DOCK1: variants seen among roughly 807,000 people sequenced by gnomAD.
DOCK1 encodes the protein dedicator of cytokinesis protein 1.
In DOCK1, 138 loss-of-function variants were observed where a neutral mutation model predicts 262.7. The ratio of observed to expected loss-of-function variants is 0.53; its 90% CI spans 0.46 to 0.61. The LOEUF (loss-of-function observed/expected upper bound fraction) is 0.61. Ranked by LOEUF, DOCK1 falls within the 20% of genes least tolerant of loss-of-function variation. The pLI, the probability that DOCK1 is intolerant of heterozygous loss-of-function variation, is 0.00. For synonymous variants in DOCK1, 866 were observed against 867.4 expected (o/e 1.00, Z 0.03); for missense variants, 1,908 against 2,370.7 (o/e 0.80, Z 4.05).
At chr10:127,209,555 G>A (rs1368878044) in intron 27 of DOCK1, among the ~76,000 whole-genome samples, 1 of 152,124 alleles carries the variant, frequency 6.6e-6, no homozygotes. Flanking sequence ...GCCCTGGGGT[G>A]TATTTCACAT....
intron 27 of DOCK1, 56 bp from the exon 28 acceptor site, chr10:127,247,952 T>C (rs549654742): frequency 4.5e-6 from 7 of 1,561,856 alleles, no homozygotes; most frequent in Non-Finnish European, 6.1e-6. Flanking sequence ...TGATTTCGGC[T>C]TTTCCCATGA....
rs1399069069 is a variant in DOCK1 at position 127,411,027 on chromosome 10, C to T, written c.4428+103C>T. The T allele has an allele frequency of 4.4e-6, 5 of 1,126,812 alleles. No homozygotes were observed. The East Asian group carries it at 1.0e-4, about 23-fold the overall frequency. 69.8% of individuals were successfully genotyped at this position (1,126,812 alleles called of 1,614,324 possible). ...GTGGCCTCAGAGGCAGCCACGGAGC[C>T]ATATTAAATGTCTTTGTGTATTATG... On this transcript the variant is annotated intron_variant, in intron 43 of 51. Coordinates refer to ENST00000623213, the MANE Select transcript of DOCK1 (RefSeq NM_001290223.2).
At chr10:126,922,236 GA>G (rs1193403067) in intron 1 of DOCK1, among the ~76,000 whole-genome samples, 4 of 141,542 alleles carry the variant, frequency 2.8e-5, no homozygotes, top group Non-Finnish European at 4.6e-5. Flanking sequence ...AAAAAAAAAG[GA>G]AAGAGTTATA....
At chr10:127,392,093 G>A (rs1005062496) in intron 38 of DOCK1, among the ~76,000 whole-genome samples, 4 of 143,312 alleles carry the variant, frequency 2.8e-5, no homozygotes, top group African/African-American at 7.8e-5. Flanking sequence ...GGTCTGCCCC[G>A]GCGTGGACCG....
intron 31 of DOCK1, among the ~76,000 whole-genome samples, chr10:127,348,000 T>A (rs939296654): frequency 6.7e-6 from 1 of 149,106 alleles, no homozygotes; most frequent in African/African-American, 2.5e-5. Flanking sequence ...TGCTCCATCC[T>A]CCTAATGACT....
At chr10:127,336,142 C>G (rs1033142839) in intron 29 of DOCK1, among the ~76,000 whole-genome samples, 18 of 152,102 alleles carry the variant, frequency 1.2e-4, no homozygotes, top group Admixed American at 1.1e-3. Context: ...AATAGATTTT[C>G]TTACCTAAAA....
chr10:127,410,121 G>A (rs1421428905), intron 42 of DOCK1, among the ~76,000 whole-genome samples: 1 of 152,134 alleles, frequency 6.6e-6, no homozygotes, highest in Non-Finnish European at 1.5e-5. Context: ...CTGAAGTTTG[G>A]TGGTTTCTTT....
chr10:127,363,905 C>T (rs1306981979), intron 33 of DOCK1, among the ~76,000 whole-genome samples: 1 of 152,172 alleles, frequency 6.6e-6, no homozygotes, highest in Non-Finnish European at 1.5e-5. Context: ...CACTCAACAT[C>T]TTTTAAGTCT....
In DOCK1 at chr10:126,995,002, G is replaced by A. The variant is rs1338487324; in HGVS notation, c.474-1746G>A. ...CAGAGACGCTCCTCACCTCCCAGAC[G>A]GGGTGGCGGCGGGGCAGAGACACTC... On this transcript the variant is annotated intron_variant, in intron 6 of 51. Transcript: ENST00000623213. The surrounding 1 kb of genome is among the most constrained non-coding windows in gnomAD (Gnocchi z 5.8). Among the ~76,000 whole-genome samples the A allele has an allele frequency of 1.0e-3, 159 of 151,962 alleles. 2 individuals are homozygous for A. Among genetic ancestry groups the A allele is most frequent in the African/African-American group, 3.6e-3 (150 of 41,420 alleles).
At chr10:127,114,862 T>C (rs913141701) in intron 25 of DOCK1, among the ~76,000 whole-genome samples, 25 of 151,894 alleles carry the variant, frequency 1.6e-4, no homozygotes, top group Admixed American at 1.4e-3. Context: ...GTTCAATCGA[T>C]TCTCCTGCCT....
chr10:126,968,383 C>CCATG (rs1458420910), intron 1 of DOCK1, among the ~76,000 whole-genome samples: 1 of 152,124 alleles, frequency 6.6e-6, no homozygotes, highest in East Asian at 1.9e-4. Context: ...TGATTTGGGG[C>CCATG]CATGTGCATA....
intron 29 of DOCK1, among the ~76,000 whole-genome samples, chr10:127,329,160 G>C (rs773731680): frequency 6.6e-5 from 10 of 152,050 alleles, no homozygotes; most frequent in Non-Finnish European, 5.9e-5. Context: ...ACTAGGAAAA[G>C]ACTCCAGTGG....
At chr10:127,391,155 A>G (rs1466477203) in intron 38 of DOCK1, among the ~76,000 whole-genome samples, 1 of 152,230 alleles carries the variant, frequency 6.6e-6, no homozygotes, top group Admixed American at 6.5e-5. Flanking sequence ...TCAAGTCTGG[A>G]AAGAATAAAA....
intron 1 of DOCK1, among the ~76,000 whole-genome samples, chr10:126,946,132 T>C (rs2035383322): frequency 3.3e-5 from 5 of 152,296 alleles, no homozygotes; most frequent in African/African-American, 1.2e-4. Context: ...CATAGAATTT[T>C]CCCCTTTAAC....
chr10:127,420,413 A>G lies in DOCK1; in HGVS notation c.4776+664A>G, dbSNP rs779928020. Among the ~76,000 whole-genome samples the G allele has an allele frequency of 7.8e-4, 118 of 152,060 alleles. 2 individuals carry two copies. The highest frequency in any genetic ancestry group is 5.2e-4 in the Admixed American group (8 of 15,262). ...GTAGGGGTCAAGAGCCAGTCCTCAC[A>G]AGAGCTTGGCCGGCACCAGCCTGCT... On this transcript the variant is annotated intron_variant, in intron 46 of 51. Transcript: ENST00000623213.
At chr10:127,098,108 C>A (rs1256588688) in intron 23 of DOCK1, among the ~76,000 whole-genome samples, 5 of 152,364 alleles carry the variant, frequency 3.3e-5, no homozygotes, top group African/African-American at 7.2e-5. Flanking sequence ...GGAGCAGATA[C>A]CTGCTGAGGG....
intron 23 of DOCK1, among the ~76,000 whole-genome samples, chr10:127,075,831 AG>A (rs2046498715): frequency 6.6e-6 from 1 of 152,182 alleles, no homozygotes; most frequent in Non-Finnish European, 1.5e-5. Context: ...GTGGGGACAC[AG>A]AACCAAACCA....
chr10:127,059,993 T>G (rs901721709), intron 22 of DOCK1, among the ~76,000 whole-genome samples: 3 of 152,156 alleles, frequency 2.0e-5, no homozygotes, highest in Admixed American at 6.5e-5. Context: ...TGTGCTCAGT[T>G]TTGAGGCTAC....
intron 45 of DOCK1, among the ~76,000 whole-genome samples, chr10:127,418,902 G>A (rs1160571079): frequency 1.3e-5 from 2 of 152,230 alleles, no homozygotes; most frequent in East Asian, 1.9e-4. Flanking sequence ...GGGAGGTAGC[G>A]CTTTGACGGT....
Sources: allele counts gnomAD v4.1 joint callset (sites outside exome capture counted in the v4.1 genomes callset), GRCh38; gene constraint gnomAD v4.1.1; non-coding constraint Gnocchi (gnomAD v3.1); transcripts MANE v1.5; gene names NCBI Gene and HGNC (gene_info 2026-07-23, HGNC 2026-07-21).